PMP22: variants seen among roughly 807,000 people sequenced by gnomAD.
PMP22 encodes the protein peripheral myelin protein 22.
PMP22 carries 2 observed loss-of-function variants against 18.9 expected under a neutral mutation model. That is an observed-to-expected ratio of 0.11 (90% CI 0.04 to 0.33). The LOEUF is 0.33. Among genes scored for constraint, PMP22 ranks in the 10% least tolerant of loss-of-function variants. The pLI is 1.00. For missense variants in PMP22, 169 were observed against 202.2 expected (o/e 0.84, Z 1.00); for synonymous variants, 95 against 89.2 (o/e 1.07, Z -0.37).
At chr17:15,231,213 T>G in intron 4 of PMP22, 133 bp from the exon 5 acceptor site, 1 of 897,868 alleles carries the variant, frequency 1.1e-6, no homozygotes, top group Non-Finnish European at 1.8e-6. Context: ...TGCTTCCAGG[T>G]CCAGAATTGA....
In PMP22 at chr17:15,229,945, G is replaced by A. The variant is rs1241378819; in HGVS notation, c.*972C>T. On this transcript the variant is annotated 3_prime_UTR_variant, in exon 5 of 5. Transcript: ENST00000312280. ...AAGTCATTGCCAGACAGTCCTTGGA[G>A]GCACAGAACAGCCTAGACCCAGCCA... The A allele has an allele frequency of 1.3e-5, 2 of 152,632 alleles. No homozygotes were observed. The highest frequency in any genetic ancestry group is 4.8e-5 in the African/African-American group (2 of 41,432). 9.5% of individuals were successfully genotyped at this position (152,632 alleles called of 1,614,324 possible). A position where few individuals can be genotyped will look rare whatever the true frequency, so the allele number is the denominator to read the frequency against.
intron 4 of PMP22, among the ~76,000 whole-genome samples, chr17:15,235,451 C>T (rs1410608584): frequency 6.6e-6 from 1 of 152,168 alleles, no homozygotes; most frequent in Non-Finnish European, 1.5e-5. Context: ...TGATGTTTTC[C>T]AGTCTAGTGC....
At chr17:15,233,859 C>T (rs1382770618) in intron 4 of PMP22, among the ~76,000 whole-genome samples, 1 of 152,180 alleles carries the variant, frequency 6.6e-6, no homozygotes, top group African/African-American at 2.4e-5. Context: ...AGAAGCCACA[C>T]GGACTCTCAT....
rs1026050929 is a variant in PMP22 at position 15,261,448 on chromosome 17, G to A, written c.-34-687C>T. ...CAGAGTAGTGTGGAAAGAAAAGAAT[G>A]GCTCGAGAGGGTTGCCCGGACCCTG... On this transcript the variant is annotated intron_variant, in intron 1 of 4. Coordinates refer to ENST00000312280, the MANE Select transcript of PMP22 (RefSeq NM_000304.4). The surrounding 1 kb of genome is among the most constrained non-coding windows in gnomAD (Gnocchi z 5.2). 6.6e-6 allele frequency: 1 copy of A among 152,462 alleles called. No individual in the cohort carries two copies. The highest frequency in any genetic ancestry group is 2.4e-5 in the African/African-American group (1 of 41,460). The allele number at this position is 152,462 out of a possible 1,614,324, so 9.4% of individuals were successfully genotyped here.
chr17:15,260,429 C>A, intron 2 of PMP22: 2 of 612,486 alleles, frequency 3.3e-6, no homozygotes, highest in South Asian at 1.8e-5. Context: ...TAGAGACCTG[C>A]GCAGCTAACC....
chr17:15,253,899 TG>T (rs1292427837), intron 3 of PMP22, among the ~76,000 whole-genome samples: 1 of 152,256 alleles, frequency 6.6e-6, no homozygotes, highest in African/African-American at 2.4e-5. Context: ...GTTTACTGAC[TG>T]GTTTGTCCAG....
chr17:15,238,082 C>T (rs144825140), intron 4 of PMP22, among the ~76,000 whole-genome samples: 168 of 151,990 alleles, frequency 1.1e-3, no homozygotes, highest in African/African-American at 3.7e-3. Flanking sequence ...TTCACTTTAA[C>T]GTACCTAGAA....
intron 3 of PMP22, among the ~76,000 whole-genome samples, chr17:15,254,658 A>T (rs1032355027): frequency 1.3e-5 from 2 of 152,156 alleles, no homozygotes; most frequent in Admixed American, 1.3e-4. Context: ...GTCTGGACTC[A>T]TTAAATAATA....
At chr17:15,257,773 C>T (rs1407694764) in intron 3 of PMP22, among the ~76,000 whole-genome samples, 3 of 152,232 alleles carry the variant, frequency 2.0e-5, no homozygotes, top group Non-Finnish European at 2.9e-5. Context: ...ACTGTTCTCA[C>T]TCCAATAGGA....
In PMP22 at chr17:15,231,061, A is replaced by G; in HGVS notation, c.339T>C (p.Ala113=). The G allele has an allele frequency of 6.2e-7, 1 of 1,613,524 alleles. No homozygotes were observed. Among genetic ancestry groups the G allele is most frequent in the Non-Finnish European group, 8.5e-7 (1 of 1,179,890 alleles). The change falls in exon 5 of 5, where the codon GCT becomes GCC. Residue 113 remains alanine, a synonymous_variant. Transcript: ENST00000312280. ...QILAGLCVMS[A]AAIYTVRHPE... ...GGTGCCTCACCGTGTAGATGGCCGCAGCACTCATCACGCACAGACCTGGGG... is the reference window on the plus strand; with the variant it reads ...GGTGCCTCACCGTGTAGATGGCCGCGGCACTCATCACGCACAGACCTGGGG...
chr17:15,230,816 T>G lies in PMP22; in HGVS notation c.*101A>C. 7.6e-7 allele frequency: 1 copy of G among 1,308,354 alleles called. No individual in the cohort carries two copies. Among genetic ancestry groups the G allele is most frequent in the Non-Finnish European group, 1.1e-6 (1 of 911,618 alleles). 81.0% of individuals were successfully genotyped at this position (1,308,354 alleles called of 1,614,324 possible). A position where few individuals can be genotyped will look rare whatever the true frequency, so the allele number is the denominator to read the frequency against. On this transcript the variant is annotated 3_prime_UTR_variant, in exon 5 of 5. Coordinates refer to ENST00000312280, the MANE Select transcript of PMP22 (RefSeq NM_000304.4). ...GCTTTCTGTTTGGTTTGGTTTGAGT[T>G]TGGGATTTTGGGCTAGCTCTTTTTT...
intron 2 of PMP22, among the ~76,000 whole-genome samples, 184 bp from the exon 3 acceptor site, chr17:15,259,377 A>G (rs942620855): frequency 2.0e-5 from 3 of 152,198 alleles, no homozygotes; most frequent in African/African-American, 7.2e-5. Context: ...GAAGTTCCAC[A>G]TGCACACAGA....
intron 3 of PMP22, among the ~76,000 whole-genome samples, chr17:15,243,263 A>T (rs1283946672): frequency 1.3e-5 from 2 of 152,192 alleles, no homozygotes; most frequent in Non-Finnish European, 2.9e-5. Flanking sequence ...AGTTAGACAA[A>T]TTTTATTCAA....
At chr17:15,251,306 C>A (rs1231604841) in intron 3 of PMP22, among the ~76,000 whole-genome samples, 2 of 152,134 alleles carry the variant, frequency 1.3e-5, no homozygotes, top group African/African-American at 4.8e-5. Flanking sequence ...AGAGCATGTT[C>A]CACTACCCAT....
chr17:15,235,610 A>G lies in PMP22; in HGVS notation c.319+3861T>C, dbSNP rs186812173. Among the ~76,000 whole-genome samples, 381 of 152,318 alleles carry G rather than the reference A, an allele frequency of 2.5e-3. 1 individual carries two copies. Among genetic ancestry groups the G allele is most frequent in the Non-Finnish European group, 4.1e-3 (280 of 68,018 alleles). On this transcript the variant is annotated intron_variant, in intron 4 of 4. Coordinates refer to ENST00000312280, the MANE Select transcript of PMP22 (RefSeq NM_000304.4). ...GGGAAAATATCCTAGAAAACCTTAC[A>G]GTGGGATTAGGGACAGTTTAATGGC...
intron 4 of PMP22, among the ~76,000 whole-genome samples, chr17:15,238,408 C>G (rs1390903576): frequency 1.3e-5 from 2 of 152,100 alleles, no homozygotes; most frequent in Non-Finnish European, 2.9e-5. Flanking sequence ...TGAAATGGTA[C>G]CATGGGCATT....
Position 15,238,868 on chromosome 17 carries a change from C to T in PMP22, c.319+603G>A, listed in dbSNP as rs575926869. Among the ~76,000 whole-genome samples, 4 of 152,242 alleles carry T rather than the reference C, an allele frequency of 2.6e-5. No homozygotes were observed. The South Asian group carries it at 8.3e-4, about 32-fold the overall frequency. On this transcript the variant is annotated intron_variant, in intron 4 of 4. Coordinates refer to ENST00000312280, the MANE Select transcript of PMP22 (RefSeq NM_000304.4). ...CATGTGTTTTCATGTGTTGTCATAG[C>T]CCCATGTTTGGAAATGACAATATGT...
chr17:15,259,084 C>T lies in PMP22; in HGVS notation c.178+10G>A. 1.3e-6 allele frequency: 2 copies of T among 1,598,530 alleles called. No homozygotes were observed. The highest frequency in any genetic ancestry group is 1.7e-6 in the Non-Finnish European group (2 of 1,165,824). The stretch of plus-strand genomic sequence containing the variant: ...GAGGACAAGCTCATGGAGCACAAAA[C>T]CAGCCTCACCGTTTGGTGATGATGA... On this transcript the variant is annotated intron_variant, in intron 3 of 4. Coordinates refer to ENST00000312280, the MANE Select transcript of PMP22 (RefSeq NM_000304.4).
chr17:15,256,473 T>C (rs1189701187), intron 3 of PMP22, among the ~76,000 whole-genome samples: 2 of 152,048 alleles, frequency 1.3e-5, no homozygotes, highest in African/African-American at 4.8e-5. Context: ...GAAACCCCTC[T>C]CTACTAAAAA....
Sources: allele counts gnomAD v4.1 joint callset (sites outside exome capture counted in the v4.1 genomes callset), GRCh38; gene constraint gnomAD v4.1.1; non-coding constraint Gnocchi (gnomAD v3.1); transcripts MANE v1.5; gene names NCBI Gene and HGNC (gene_info 2026-07-23, HGNC 2026-07-21).